The following TAPT1 variants were observed in gnomAD, a reference collection of about 807,000 sequenced individuals.
TAPT1 encodes transmembrane anterior posterior transformation 1, also known as transmembrane anterior posterior transformation protein 1 homolog.
A neutral mutation model predicts 65.6 loss-of-function variants in TAPT1; 28 were observed. That is an observed-to-expected ratio of 0.43 (90% CI 0.32 to 0.59). The LOEUF is 0.59. Among genes scored for constraint, TAPT1 ranks in the 20% least tolerant of loss-of-function variants. The pLI is 0.09. For missense variants in TAPT1, 563 were observed against 679.9 expected (o/e 0.83, Z 1.91); for synonymous variants, 278 against 245.2 (o/e 1.13, Z -1.25).
chr4:16,211,436 A>G (rs1347289453), intron 2 of TAPT1, among the ~76,000 whole-genome samples: 2 of 152,204 alleles, frequency 1.3e-5, no homozygotes, highest in African/African-American at 4.8e-5. Context: ...TAAGCCTGGA[A>G]TTAAACTGAA....
At chr4:16,203,333 G>C (rs1213222725) in intron 2 of TAPT1, among the ~76,000 whole-genome samples, 3 of 152,150 alleles carry the variant, frequency 2.0e-5, no homozygotes, top group Non-Finnish European at 2.9e-5. Flanking sequence ...TGTATCTTTA[G>C]TCAATAAATT....
chr4:16,221,749 T>A (rs1055249360), intron 1 of TAPT1, among the ~76,000 whole-genome samples: 1 of 152,210 alleles, frequency 6.6e-6, no homozygotes, highest in Admixed American at 6.5e-5. Context: ...GAAACATGCA[T>A]ATCTCCATAG....
At chr4:16,165,940 C>G (rs1444634904) in intron 13 of TAPT1, among the ~76,000 whole-genome samples, 1 of 152,186 alleles carries the variant, frequency 6.6e-6, no homozygotes, top group Non-Finnish European at 1.5e-5. Flanking sequence ...GTCAGCTGCA[C>G]CATGCCACTG....
intron 2 of TAPT1, among the ~76,000 whole-genome samples, chr4:16,212,588 C>T (rs1750708487): frequency 6.6e-6 from 1 of 152,154 alleles, no homozygotes; most frequent in African/African-American, 2.4e-5. Context: ...AGAGCCCTGC[C>T]CACTCCTCCT....
chr4:16,192,861 G>A (rs1034507448), intron 3 of TAPT1, among the ~76,000 whole-genome samples: 3 of 152,118 alleles, frequency 2.0e-5, no homozygotes, highest in African/African-American at 7.2e-5. Flanking sequence ...TTTTCTAAAT[G>A]GCCATTGGCC....
At chr4:16,215,308 A>C (rs74714015) in intron 1 of TAPT1, among the ~76,000 whole-genome samples, 3,400 of 151,148 alleles carry the variant, frequency 0.022, 126 homozygotes, top group African/African-American at 0.078. Flanking sequence ...CAACAACAAA[A>C]TATATATATA....
intron 4 of TAPT1, chr4:16,190,226 G>GC (rs1161429649): frequency 2.0e-5 from 3 of 152,270 alleles, no homozygotes; most frequent in Non-Finnish European, 4.4e-5. Context: ...AAGGCCAGCA[G>GC]CCCCCACCCC....
In TAPT1 at chr4:16,186,516, A is replaced by G; in HGVS notation, c.916+19T>C. ...AATAATACTGCACAGAACTTCAAGT[A>G]GAATCTAATTGTACATACCGCTATT... On this transcript the variant is annotated intron_variant, in intron 7 of 13. Transcript: ENST00000405303. The G allele has an allele frequency of 6.8e-7, 1 of 1,473,274 alleles. No homozygotes were observed. Among genetic ancestry groups the G allele is most frequent in the Non-Finnish European group, 9.3e-7 (1 of 1,081,060 alleles). The allele number at this position is 1,473,274 out of a possible 1,614,324, so 91.3% of individuals were successfully genotyped here.
At chr4:16,204,998 A>C (rs1194356252) in intron 2 of TAPT1, among the ~76,000 whole-genome samples, 4 of 152,254 alleles carry the variant, frequency 2.6e-5, no homozygotes, top group African/African-American at 9.6e-5. Flanking sequence ...AAATTTCTAC[A>C]ACCTGCTCTT....
chr4:16,208,375 A>T (rs73130457), intron 2 of TAPT1, among the ~76,000 whole-genome samples: 21,983 of 152,170 alleles, frequency 0.14, 1,814 homozygotes, highest in African/African-American at 0.22. Context: ...CCTAACATTC[A>T]CTGTCCTAGC....
chr4:16,178,220 G>T (rs960166010), intron 8 of TAPT1, among the ~76,000 whole-genome samples: 2 of 152,262 alleles, frequency 1.3e-5, no homozygotes, highest in African/African-American at 4.8e-5. Context: ...GTGTGTGGAG[G>T]AAGAGGCTTT....
intron 2 of TAPT1, among the ~76,000 whole-genome samples, chr4:16,203,187 G>C (rs1400933309): frequency 6.6e-6 from 1 of 152,158 alleles, no homozygotes; most frequent in Non-Finnish European, 1.5e-5. Context: ...CAGAAAGAGG[G>C]TGAAGTCTTT....
Position 16,163,091 on chromosome 4 carries a change from A to G in TAPT1, c.*217T>C, listed in dbSNP as rs1747359268. 2 of 624,552 alleles carry G rather than the reference A, an allele frequency of 3.2e-6. No individual in the cohort carries two copies. The highest frequency in any genetic ancestry group is 1.5e-5 in the South Asian group (1 of 66,054). 38.7% of individuals were successfully genotyped at this position (624,552 alleles called of 1,614,324 possible). On this transcript the variant is annotated 3_prime_UTR_variant, in exon 14 of 14. Transcript: ENST00000405303. ...CAGGAGGAAGTTTTATAATCCATCA[A>G]GCTTCCCAGACAGTCAAGGCCGGAG... is the stretch of plus-strand genomic sequence containing the variant.
At chr4:16,166,847 T>C in intron 12 of TAPT1, 54 bp from the exon 13 acceptor site, 2 of 1,576,146 alleles carry the variant, frequency 1.3e-6, no homozygotes, top group East Asian at 4.5e-5. Flanking sequence ...TAAATCCCTG[T>C]GAATGCCATC....
At chr4:16,207,184 T>A (rs1385852293) in intron 2 of TAPT1, among the ~76,000 whole-genome samples, 1 of 152,184 alleles carries the variant, frequency 6.6e-6, no homozygotes, top group East Asian at 1.9e-4. Flanking sequence ...TTTAGAGGGA[T>A]GATTCTCTGA....
chr4:16,196,385 T>G (rs1749706275), intron 3 of TAPT1, among the ~76,000 whole-genome samples: 1 of 152,236 alleles, frequency 6.6e-6, no homozygotes, highest in South Asian at 2.1e-4. Flanking sequence ...GCTTTGGGGA[T>G]GAAGTATTTG....
chr4:16,174,490 A>C (rs903887222), intron 10 of TAPT1, 180 bp downstream of exon 10: 1 of 675,174 alleles, frequency 1.5e-6, no homozygotes. Flanking sequence ...ATACTACTTA[A>C]TGTTAAGTAT....
At chr4:16,187,249 A>G (rs555370605) in intron 5 of TAPT1, among the ~76,000 whole-genome samples, 1 of 152,338 alleles carries the variant, frequency 6.6e-6, no homozygotes, top group South Asian at 2.1e-4. Flanking sequence ...GAAAGAAGAG[A>G]CTAAGAAATA....
chr4:16,183,981 C>A (rs1334629493), intron 7 of TAPT1, among the ~76,000 whole-genome samples: 3 of 152,184 alleles, frequency 2.0e-5, no homozygotes, highest in Non-Finnish European at 4.4e-5. Context: ...GTTTTCAAAT[C>A]TCCTATAACT....
Sources: allele counts gnomAD v4.1 joint callset (sites outside exome capture counted in the v4.1 genomes callset), GRCh38; gene constraint gnomAD v4.1.1; transcripts MANE v1.5; gene names NCBI Gene and HGNC (gene_info 2026-07-23, HGNC 2026-07-21).